RXRA: variants seen among roughly 807,000 people sequenced by gnomAD.
RXRA encodes the protein retinoic acid receptor RXR-alpha.
A neutral mutation model predicts 44.5 loss-of-function variants in RXRA; 5 were observed. That is an observed-to-expected ratio of 0.11 (90% CI 0.06 to 0.24). RXRA has a LOEUF of 0.24. Among genes scored for constraint, RXRA ranks in the 10% least tolerant of loss-of-function variants. The pLI, the probability that RXRA is intolerant of heterozygous loss-of-function variation, is 1.00. For missense variants in RXRA, 412 were observed against 646.5 expected, an observed-to-expected ratio of 0.64 and a Z score of 3.93; for synonymous variants, 291 against 271.4, an observed-to-expected ratio of 1.07 and a Z score of -0.71.
intron 4 of RXRA, among the ~76,000 whole-genome samples, chr9:134,410,083 A>G (rs751100598): frequency 3.3e-5 from 5 of 152,024 alleles, no homozygotes; most frequent in Non-Finnish European, 7.4e-5. Flanking sequence ...TCATTTCATC[A>G]TCTCTCTTGT....
At chr9:134,335,010 C>T (rs1013589644) in intron 1 of RXRA, among the ~76,000 whole-genome samples, 5 of 152,156 alleles carry the variant, frequency 3.3e-5, no homozygotes, top group South Asian at 2.1e-4. Context: ...GTCCCCATGA[C>T]GGTTATCACT....
At chr9:134,384,701 G>T (rs577027597) in intron 1 of RXRA, among the ~76,000 whole-genome samples, 1 of 152,164 alleles carries the variant, frequency 6.6e-6, no homozygotes, top group Admixed American at 6.5e-5. Flanking sequence ...CGGCCTGGGG[G>T]CGAGGGTTCT....
chr9:134,400,854 C>T (rs534221070), intron 1 of RXRA, among the ~76,000 whole-genome samples: 136 of 152,294 alleles, frequency 8.9e-4, no homozygotes, highest in African/African-American at 3.1e-3. Context: ...CCACCGCCCA[C>T]GTGAGAGGTG....
chr9:134,386,773 C>T (rs915614184), intron 1 of RXRA, among the ~76,000 whole-genome samples: 1 of 152,170 alleles, frequency 6.6e-6, no homozygotes, highest in African/African-American at 2.4e-5. Flanking sequence ...TCCTTTCAGG[C>T]CACTTTGTTC....
Position 134,400,699 on chromosome 9 carries a change from C to T in RXRA, c.29-933C>T, listed in dbSNP as rs115272395. Among the ~76,000 whole-genome samples, 249 of 152,328 alleles carry T rather than the reference C, an allele frequency of 1.6e-3. 2 individuals are homozygous for T. Among genetic ancestry groups the T allele is most frequent in the African/African-American group, 5.8e-3 (241 of 41,576 alleles). Reference sequence around the variant, plus strand: ...CAGGGTGCGGGGCAGGGGGGCACCTCCTGAAGTGTGGTTGGGGCTTTGAAA... The same window carrying T: ...CAGGGTGCGGGGCAGGGGGGCACCTTCTGAAGTGTGGTTGGGGCTTTGAAA... On this transcript the variant is annotated intron_variant, in intron 1 of 9. Coordinates refer to ENST00000481739, the MANE Select transcript of RXRA (RefSeq NM_002957.6).
At chr9:134,399,235 T>C (rs746775661) in intron 1 of RXRA, among the ~76,000 whole-genome samples, 43 of 152,240 alleles carry the variant, frequency 2.8e-4, no homozygotes, top group Non-Finnish European at 5.9e-5. Flanking sequence ...GTCCCCGCAG[T>C]GCCCTGGTGG....
In RXRA at chr9:134,409,076, C is replaced by T. The variant is rs779247755; in HGVS notation, c.567C>T (p.Tyr189=). The change falls in exon 4 of 10, where the codon TAC becomes TAT. Residue 189 remains tyrosine, a synonymous_variant. Transcript: ENST00000481739. ...AGCGGCAGCGGAACCGGTGCCAGTA[C>T]TGCCGCTACCAGAAGTGCCTGGCCA... is the stretch of plus-strand genomic sequence containing the variant. ...IDKRQRNRCQ[Y]CRYQKCLAMG... 3 of 1,607,270 alleles carry T rather than the reference C, an allele frequency of 1.9e-6. No individual in the cohort carries two copies. Among genetic ancestry groups the T allele is most frequent in the South Asian group, 2.2e-5 (2 of 90,362 alleles).
chr9:134,380,595 C>A (rs1179384398), intron 1 of RXRA, among the ~76,000 whole-genome samples: 3 of 151,960 alleles, frequency 2.0e-5, no homozygotes, highest in Non-Finnish European at 4.4e-5. Flanking sequence ...GGGTTGGTGA[C>A]CTAGTGCCAT....
Position 134,421,656 on chromosome 9 carries a change from C to T in RXRA, c.781-20C>T, listed in dbSNP as rs1831333241. The T allele has an allele frequency of 6.4e-7, 1 of 1,552,656 alleles. No homozygotes were observed. Among genetic ancestry groups the T allele is most frequent in the African/African-American group, 1.4e-5 (1 of 73,878 alleles). On this transcript the variant is annotated intron_variant, in intron 5 of 9. Coordinates refer to ENST00000481739, the MANE Select transcript of RXRA (RefSeq NM_002957.6). Reference sequence around the variant, plus strand: ...CTGGCTTCTGGGACTGAATGTCCTGCTCTTCTTCCTCCACTGCAGCCGAAC... The same window carrying T: ...CTGGCTTCTGGGACTGAATGTCCTGTTCTTCTTCCTCCACTGCAGCCGAAC...
At chr9:134,389,534 G>A (rs1830770068) in intron 1 of RXRA, among the ~76,000 whole-genome samples, 1 of 152,164 alleles carries the variant, frequency 6.6e-6, no homozygotes, top group African/African-American at 2.4e-5. Flanking sequence ...TCTATCCTAG[G>A]CCTGGGGCTT....
chr9:134,410,612 C>T (rs1481604149), intron 4 of RXRA, among the ~76,000 whole-genome samples: 2 of 152,152 alleles, frequency 1.3e-5, no homozygotes, highest in Admixed American at 1.3e-4. Flanking sequence ...GAAACTGGGA[C>T]AGGGGCAGGC....
intron 1 of RXRA, among the ~76,000 whole-genome samples, chr9:134,401,126 A>G (rs1830952034): frequency 6.6e-6 from 1 of 152,238 alleles, no homozygotes; most frequent in African/African-American, 2.4e-5. Flanking sequence ...TGACCTCCCA[A>G]ATCCACGAAT....
At chr9:134,420,391 A>T (rs547324010) in intron 5 of RXRA, among the ~76,000 whole-genome samples, 1 of 152,270 alleles carries the variant, frequency 6.6e-6, no homozygotes, top group South Asian at 2.1e-4. Context: ...AGGTTTGTGG[A>T]GGAATGAGTG....
rs36022935 is a variant in RXRA at position 134,426,987 on chromosome 9, G to T, written c.911-2121G>T. 195 of 985,244 alleles carry T rather than the reference G, an allele frequency of 2.0e-4. 1 individual carries two copies. The African/African-American group carries it at 3.1e-3, about 16-fold the overall frequency. The allele number at this position is 985,244 out of a possible 1,614,324, so 61.0% of individuals were successfully genotyped here. ...CTCTCAGCCTGGGAAAACCTGACGG[G>T]CTGAGCCGTAGGAGGGGCAGGAGTG... On this transcript the variant is annotated intron_variant, in intron 6 of 9. Coordinates refer to ENST00000481739, the MANE Select transcript of RXRA (RefSeq NM_002957.6). The surrounding 1 kb of genome is among the most constrained non-coding windows in gnomAD (Gnocchi z 4.6).
chr9:134,396,855 G>T (rs529168807), intron 1 of RXRA, among the ~76,000 whole-genome samples: 2 of 152,332 alleles, frequency 1.3e-5, no homozygotes, highest in South Asian at 4.1e-4. Context: ...GGCCTGCTCA[G>T]ACCCTGCCGC....
rs543230096 is a variant in RXRA at position 134,431,330 on chromosome 9, G to A, written c.1044-575G>A. On this transcript the variant is annotated intron_variant, in intron 7 of 9. Coordinates refer to ENST00000481739, the MANE Select transcript of RXRA (RefSeq NM_002957.6). ...CAGCGTCTCCATGGAGGGAGCTGGCGGGCTTTCCCCGTGTTGAGGCTGGTG... is the reference window on the plus strand; with the variant it reads ...CAGCGTCTCCATGGAGGGAGCTGGCAGGCTTTCCCCGTGTTGAGGCTGGTG... Among the ~76,000 whole-genome samples the A allele has an allele frequency of 3.3e-5, 5 of 152,372 alleles. No individual in the cohort carries two copies. In the South Asian group the frequency reaches 6.2e-4, roughly 19 times the overall value.
chr9:134,396,798 C>T (rs796679977), intron 1 of RXRA, among the ~76,000 whole-genome samples: 13 of 152,334 alleles, frequency 8.5e-5, no homozygotes, highest in African/African-American at 2.9e-4. Context: ...CGGGTGTCCT[C>T]TGTTTTTCAT....
At chr9:134,339,735 CTA>C (rs782092669) in intron 1 of RXRA, among the ~76,000 whole-genome samples, 20 of 118,396 alleles carry the variant, frequency 1.7e-4, no homozygotes, top group Middle Eastern at 6.8e-3. Flanking sequence ...GTGTGTGTGT[CTA>C]TGTGTGAGAT....
At chr9:134,401,290 C>G (rs1213507219) in intron 1 of RXRA, 2 of 362,218 alleles carry the variant, frequency 5.5e-6, no homozygotes, top group African/African-American at 2.1e-5. Context: ...AGCCACTCCT[C>G]CCACTGCTTT....
Sources: gnomAD v4.1 joint callset for allele counts (sites outside exome capture counted in the v4.1 genomes callset) on GRCh38, gnomAD v4.1.1 for gene constraint, Gnocchi (gnomAD v3.1) non-coding constraint, MANE v1.5 for transcripts, NCBI Gene and HGNC (gene_info 2026-07-23, HGNC 2026-07-21) for gene names.